The following NPAS3 variants were observed in gnomAD, a reference collection of about 807,000 sequenced individuals.
NPAS3 encodes the protein neuronal PAS domain protein 3, also known as neuronal PAS domain-containing protein 3.
Under a neutral mutation model 73.1 loss-of-function variants are expected in NPAS3, and 14 were observed. The ratio of observed to expected loss-of-function variants is 0.19; its 90% CI spans 0.13 to 0.30. The LOEUF (loss-of-function observed/expected upper bound fraction) is 0.30, where lower values mean the gene tolerates loss of function less well. Ranked by LOEUF, NPAS3 falls within the 10% of genes least tolerant of loss-of-function variation. The probability of loss-of-function intolerance (pLI) is 1.00; values close to 1 mark genes in which losing one functional copy is unlikely to be tolerated. For missense variants in NPAS3, 1,096 were observed against 1,250.0 expected (o/e 0.88, Z 1.86); for synonymous variants, 620 against 541.5 (o/e 1.14, Z -2.01).
intron 4 of NPAS3, among the ~76,000 whole-genome samples, chr14:33,537,153 A>G (rs2140221712): frequency 6.6e-6 from 1 of 152,302 alleles, no homozygotes; most frequent in South Asian, 2.1e-4. Flanking sequence ...TCCTGGAAGG[A>G]AAATTTAATC....
chr14:33,051,863 G>A (rs1185969939), intron 1 of NPAS3, among the ~76,000 whole-genome samples: 4 of 152,108 alleles, frequency 2.6e-5, no homozygotes, highest in Non-Finnish European at 5.9e-5. Context: ...GGGTTCAAGC[G>A]ATTCTCCTGC....
At chr14:33,348,797 A>C (rs1437330682) in intron 3 of NPAS3, among the ~76,000 whole-genome samples, 2 of 152,042 alleles carry the variant, frequency 1.3e-5, no homozygotes, top group Non-Finnish European at 2.9e-5. Context: ...GTAATCGTTT[A>C]TTTACTTGTC....
intron 4 of NPAS3, among the ~76,000 whole-genome samples, chr14:33,398,952 C>T (rs925806983): frequency 3.3e-5 from 5 of 152,020 alleles, no homozygotes; most frequent in African/African-American, 9.7e-5. Flanking sequence ...GCCATGATTA[C>T]AAGCCTTTCA....
intron 2 of NPAS3, among the ~76,000 whole-genome samples, chr14:33,086,801 A>G (rs1258529983): frequency 6.6e-6 from 1 of 152,124 alleles, no homozygotes; most frequent in Non-Finnish European, 1.5e-5. Context: ...TAGTGAGTAG[A>G]GACATTCATC....
At chr14:33,004,114 A>C (rs1282998367) in intron 1 of NPAS3, among the ~76,000 whole-genome samples, 1 of 152,216 alleles carries the variant, frequency 6.6e-6, no homozygotes, top group African/African-American at 2.4e-5. Flanking sequence ...AGTGTGAAGC[A>C]TTTAGAACAG....
intron 1 of NPAS3, among the ~76,000 whole-genome samples, chr14:33,023,181 A>G (rs971986043): frequency 1.3e-4 from 20 of 152,226 alleles, no homozygotes; most frequent in African/African-American, 4.3e-4. Flanking sequence ...AGTTATGATC[A>G]CATTTCACAT....
At chr14:33,046,249 T>A (rs1285181989) in intron 1 of NPAS3, among the ~76,000 whole-genome samples, 3 of 151,952 alleles carry the variant, frequency 2.0e-5, no homozygotes, top group Non-Finnish European at 4.4e-5. Flanking sequence ...GCGAGTGGTG[T>A]GGGTTAGTGA....
chr14:33,386,139 T>C (rs571511273), intron 4 of NPAS3, among the ~76,000 whole-genome samples: 1 of 152,226 alleles, frequency 6.6e-6, no homozygotes, highest in East Asian at 1.9e-4. Flanking sequence ...TAGATGGTGA[T>C]TTACATCAGT....
chr14:32,996,981 A>T (rs930201394), intron 1 of NPAS3, among the ~76,000 whole-genome samples: 30 of 152,202 alleles, frequency 2.0e-4, no homozygotes, highest in African/African-American at 7.2e-4. Context: ...AGCCCATGAA[A>T]GCAGCTAGGA....
rs1477991238 is a variant in NPAS3, at chr14:32,943,409, A to G, written c.50+4043A>G. 3.3e-5 allele frequency among the ~76,000 whole-genome samples: 5 copies of G among 152,150 alleles called. 1 individual carries two copies. In the South Asian group the frequency reaches 8.3e-4, roughly 25 times the overall value. On this transcript the variant is annotated intron_variant, in intron 1 of 11. Coordinates refer to ENST00000356141, the Ensembl canonical transcript of NPAS3. The stretch of plus-strand genomic sequence containing the variant: ...TCTTCCCCTGTAATTCTTCTACCCA[A>G]TGGCTGGCCCTATACTATAATATAG...
intron 2 of NPAS3, among the ~76,000 whole-genome samples, chr14:33,202,912 A>G (rs2046675325): frequency 6.6e-6 from 1 of 152,206 alleles, no homozygotes; most frequent in Non-Finnish European, 1.5e-5. Flanking sequence ...GAACTTTTGT[A>G]GTATATTTTG....
intron 9 of NPAS3, among the ~76,000 whole-genome samples, chr14:33,780,046 G>A (rs954638412): frequency 9.9e-5 from 15 of 152,196 alleles, no homozygotes; most frequent in Admixed American, 9.8e-4. Context: ...GCACCTCAAA[G>A]TATGAACATC....
rs75906157 is a variant in NPAS3 at position 33,481,908 on chromosome 14, G to A, written c.469-78213G>A. 4.2e-3 allele frequency among the ~76,000 whole-genome samples: 633 copies of A among 152,172 alleles called. 5 individuals carry two copies. Among genetic ancestry groups the A allele is most frequent in the African/African-American group, 0.015 (613 of 41,534 alleles). ...AACATAATGAGTTCATTGAAAAGAT[G>A]CTATGTAAAAAGGCAAGAAAAGAAA... On this transcript the variant is annotated intron_variant, in intron 4 of 11. Transcript: ENST00000356141.
chr14:33,368,485 G>T (rs1251927087), intron 4 of NPAS3, among the ~76,000 whole-genome samples: 1 of 152,056 alleles, frequency 6.6e-6, no homozygotes, highest in Non-Finnish European at 1.5e-5. Context: ...GGAATTTGTG[G>T]TTTTTAACAG....
chr14:33,585,109 A>T (rs2056816570), intron 5 of NPAS3, among the ~76,000 whole-genome samples: 1 of 151,850 alleles, frequency 6.6e-6, no homozygotes. Context: ...GCAGATTGTT[A>T]AAGCCACTGG....
rs117656952 is a variant in NPAS3 at position 33,355,620 on chromosome 14, T to G, written c.386-11566T>G. 1.5e-3 allele frequency among the ~76,000 whole-genome samples: 231 copies of G among 152,288 alleles called. 1 individual carries two copies. Among genetic ancestry groups the G allele is most frequent in the Non-Finnish European group, 2.6e-3 (177 of 68,026 alleles). On this transcript the variant is annotated intron_variant, in intron 3 of 11. Coordinates refer to ENST00000356141, the Ensembl canonical transcript of NPAS3. ...GGCAACCTGTTACTTTTTTACAGTTTGTATTTCTCTCTCCCCAGTCTCTAA... is the reference window on the plus strand; with the variant it reads ...GGCAACCTGTTACTTTTTTACAGTTGGTATTTCTCTCTCCCCAGTCTCTAA...
chr14:33,566,840 G>T (rs1277512203), intron 5 of NPAS3, among the ~76,000 whole-genome samples: 1 of 152,146 alleles, frequency 6.6e-6, no homozygotes, highest in Non-Finnish European at 1.5e-5. Flanking sequence ...GTGATTTAAG[G>T]TATTTCTCTT....
chr14:33,771,428 ATAT>A (rs1439368254), intron 7 of NPAS3, among the ~76,000 whole-genome samples: 2 of 152,146 alleles, frequency 1.3e-5, no homozygotes, highest in East Asian at 3.8e-4. Flanking sequence ...TTTTTAGTTT[ATAT>A]TACTTCTCAA....
In NPAS3 at chr14:33,086,661, G is replaced by C. The variant is rs372118097; in HGVS notation, c.140+30667G>C. Among the ~76,000 whole-genome samples the C allele has an allele frequency of 3.6e-4, 55 of 152,228 alleles. No homozygotes were observed. The South Asian group carries it at 0.011, about 30-fold the overall frequency. On this transcript the variant is annotated intron_variant, in intron 2 of 11. Transcript: ENST00000356141. ...TTTTGTGCCAGATACCCTTTATTCT[G>C]ACCTAAAATGAATTCTAATATTTGA...
Sources: allele counts gnomAD v4.1 joint callset (sites outside exome capture counted in the v4.1 genomes callset), GRCh38; gene constraint gnomAD v4.1.1; transcripts MANE v1.5; gene names NCBI Gene and HGNC (gene_info 2026-07-23, HGNC 2026-07-21).